ECT2L: variants seen among roughly 807,000 people sequenced by gnomAD.
ECT2L encodes the protein epithelial cell-transforming sequence 2 oncogene-like.
ECT2L carries 126 observed loss-of-function variants against 122.8 expected under a neutral mutation model. That is an observed-to-expected ratio of 1.03 (90% confidence interval 0.89 to 1.19). The LOEUF (loss-of-function observed/expected upper bound fraction) is 1.19, where lower values mean the gene tolerates loss of function less well. Among genes scored for constraint, ECT2L ranks in the 50% most tolerant of loss-of-function variants. The probability of loss-of-function intolerance (pLI) is 0.00; values close to 1 mark genes in which losing one functional copy is unlikely to be tolerated. For missense variants in ECT2L, 1,012 were observed against 1,064.1 expected, an observed-to-expected ratio of 0.95 and a Z score of 0.68; for synonymous variants, 385 against 381.8, an observed-to-expected ratio of 1.01 and a Z score of -0.10.
chr6:138,818,822 A>T (rs1202735868), intron 4 of ECT2L, among the ~76,000 whole-genome samples: 1 of 152,064 alleles, frequency 6.6e-6, no homozygotes, highest in African/African-American at 2.4e-5. Context: ...GGGTGCTCAG[A>T]CAACACCTGG....
chr6:138,820,393 G>A (rs1562457184), intron 4 of ECT2L, among the ~76,000 whole-genome samples: 1 of 152,204 alleles, frequency 6.6e-6, no homozygotes, highest in Non-Finnish European at 1.5e-5. Flanking sequence ...ACTGCAGTTA[G>A]TCATTTGAGA....
Position 138,829,018 on chromosome 6 carries a change from TA to T in ECT2L, c.180-9330del, listed in dbSNP as rs558876737. 1.4e-3 allele frequency among the ~76,000 whole-genome samples: 185 copies of T among 131,774 alleles called. 1 individual carries two copies. In the South Asian group the frequency reaches 0.029, roughly 21 times the overall value. The allele number at this position is 131,774 out of a possible 152,430, so 86.4% of individuals were successfully genotyped here. A position where few individuals can be genotyped will look rare whatever the true frequency, so the allele number is the denominator to read the frequency against. ...CTCAGGCTAAGGCGCTGGCTAAGTTTAAAATTTTTTTTTTTTTTTGTAGAGA... is the reference window on the plus strand; with the variant it reads ...CTCAGGCTAAGGCGCTGGCTAAGTTTAAATTTTTTTTTTTTTTTGTAGAGA... On this transcript the variant is annotated intron_variant, in intron 4 of 21. Transcript: ENST00000541398.
intron 9 of ECT2L, among the ~76,000 whole-genome samples, chr6:138,851,553 T>A (rs1777452669): frequency 6.6e-6 from 1 of 151,392 alleles, no homozygotes; most frequent in Admixed American, 6.6e-5. Flanking sequence ...TGGTTTTGAT[T>A]TGCATTTCTC....
intron 10 of ECT2L, among the ~76,000 whole-genome samples, chr6:138,857,155 G>A (rs1008166722): frequency 6.6e-6 from 1 of 152,004 alleles, no homozygotes; most frequent in Non-Finnish European, 1.5e-5. Flanking sequence ...CCTCTCCTGT[G>A]CCCTCATTTC....
chr6:138,881,179 C>A lies in ECT2L; in HGVS notation c.1880+8C>A, dbSNP rs770229584. The A allele has an allele frequency of 6.2e-7, 1 of 1,611,452 alleles. No homozygotes were observed. Among genetic ancestry groups the A allele is most frequent in the Admixed American group, 1.7e-5 (1 of 59,914 alleles). ...GATTTTAAGTCTCAACAGGTAAACCCTGAATATGTATTTTTTTTAATATTC... is the reference window on the plus strand; with the variant it reads ...GATTTTAAGTCTCAACAGGTAAACCATGAATATGTATTTTTTTTAATATTC... On this transcript the variant is annotated splice_region_variant and intron_variant, in intron 15 of 21. Coordinates refer to ENST00000541398, the MANE Select transcript of ECT2L (RefSeq NM_001077706.3).
chr6:138,848,302 T>C (rs1389734925), intron 8 of ECT2L, among the ~76,000 whole-genome samples: 1 of 152,204 alleles, frequency 6.6e-6, no homozygotes, highest in Non-Finnish European at 1.5e-5. Context: ...AGAATTACTT[T>C]AAAACTTCTC....
intron 20 of ECT2L, among the ~76,000 whole-genome samples, chr6:138,893,355 T>C (rs1779101921): frequency 6.6e-6 from 1 of 151,802 alleles, no homozygotes; most frequent in South Asian, 2.1e-4. Flanking sequence ...AACAAAATAT[T>C]CTGGGCATAT....
At chr6:138,886,834 T>C (rs1487254284) in intron 18 of ECT2L, 23 bp from the exon 19 acceptor site, 1 of 1,596,054 alleles carries the variant, frequency 6.3e-7, no homozygotes, top group Admixed American at 1.7e-5. Flanking sequence ...TTAGTTTGCC[T>C]AAAAGTACTT....
chr6:138,889,133 T>C, intron 20 of ECT2L, 102 bp downstream of exon 20: 1 of 488,438 alleles, frequency 2.0e-6, no homozygotes, highest in East Asian at 3.5e-5. Flanking sequence ...TCTGACACAG[T>C]AGGTTTGAAA....
intron 4 of ECT2L, among the ~76,000 whole-genome samples, chr6:138,831,840 A>G (rs1339369008): frequency 6.6e-6 from 1 of 152,204 alleles, no homozygotes; most frequent in Non-Finnish European, 1.5e-5. Flanking sequence ...CAATTTAATT[A>G]AACAATTTTA....
At chr6:138,851,022 A>AAAAAAAAAAG (rs1562474249) in intron 9 of ECT2L, among the ~76,000 whole-genome samples, 1 of 142,368 alleles carries the variant, frequency 7.0e-6, no homozygotes, top group African/African-American at 2.6e-5. Context: ...AAAAAAAAAA[A>AAAAAAAAAAG]AGAGAAAGAG....
chr6:138,808,154 T>C (rs2128370865), intron 1 of ECT2L, among the ~76,000 whole-genome samples: 1 of 152,356 alleles, frequency 6.6e-6, no homozygotes, highest in South Asian at 2.1e-4. Context: ...TATACTCTTC[T>C]TTAGGTCTTT....
chr6:138,902,263 T>G (rs549009756), intron 21 of ECT2L, among the ~76,000 whole-genome samples: 2 of 152,346 alleles, frequency 1.3e-5, no homozygotes, highest in East Asian at 3.9e-4. Flanking sequence ...CATCACATCA[T>G]CTATCCGTTA....
intron 4 of ECT2L, among the ~76,000 whole-genome samples, chr6:138,826,409 C>T (rs1213485752): frequency 2.0e-5 from 3 of 151,886 alleles, no homozygotes; most frequent in African/African-American, 7.3e-5. Context: ...TGATATAGAC[C>T]AAGCACGATG....
intron 1 of ECT2L, among the ~76,000 whole-genome samples, chr6:138,806,689 T>G (rs1264357086): frequency 6.6e-6 from 1 of 151,924 alleles, no homozygotes; most frequent in Non-Finnish European, 1.5e-5. Flanking sequence ...ATTTTTATAT[T>G]TTTAGTAGAG....
intron 4 of ECT2L, among the ~76,000 whole-genome samples, chr6:138,825,350 C>G (rs533586343): frequency 1.3e-5 from 2 of 152,114 alleles, no homozygotes; most frequent in Non-Finnish European, 2.9e-5. Context: ...GAGGCTGAGG[C>G]GGGTGGATCA....
intron 12 of ECT2L, among the ~76,000 whole-genome samples, chr6:138,865,502 C>T (rs1224667490): frequency 6.6e-6 from 1 of 152,194 alleles, no homozygotes; most frequent in African/African-American, 2.4e-5. Flanking sequence ...AGAATTTGCT[C>T]TGAAAGTTAA....
At chr6:138,849,533 T>A in intron 9 of ECT2L, 99 bp downstream of exon 9, 1 of 1,202,782 alleles carries the variant, frequency 8.3e-7, no homozygotes, top group African/African-American at 1.6e-5. Context: ...TCCAAGTTGC[T>A]AAGACGTGTT....
At chr6:138,812,327 G>A (rs1342395147) in intron 1 of ECT2L, among the ~76,000 whole-genome samples, 1 of 152,204 alleles carries the variant, frequency 6.6e-6, no homozygotes, top group Non-Finnish European at 1.5e-5. Context: ...CCTAAACTCT[G>A]CCTGGATTCT....
Sources: allele counts gnomAD v4.1 joint callset (sites outside exome capture counted in the v4.1 genomes callset), GRCh38; gene constraint gnomAD v4.1.1; transcripts MANE v1.5; gene names NCBI Gene and HGNC (gene_info 2026-07-23, HGNC 2026-07-21).